The following MALRD1 variants were observed in gnomAD, a reference collection of about 807,000 sequenced individuals.
MALRD1 encodes MAM and LDL receptor class A domain containing 1, also known as MAM and LDL-receptor class A domain-containing protein 1.
MALRD1 carries 247 observed loss-of-function variants against 242.1 expected under a neutral mutation model. That is an observed-to-expected ratio of 1.02 (90% confidence interval 0.92 to 1.13). The LOEUF is 1.13. MALRD1 is among the 50% of genes most tolerant of loss of function. MALRD1 has a pLI of 0.00. For synonymous variants in MALRD1, 995 were observed against 866.6 expected (o/e 1.15, Z -2.60); for missense variants, 2,989 against 2,533.1 (o/e 1.18, Z -3.86).
intron 24 of MALRD1, among the ~76,000 whole-genome samples, chr10:19,334,119 G>GTTTTTTTTTTT (rs56931838): frequency 3.0e-5 from 2 of 66,790 alleles, no homozygotes; most frequent in East Asian, 4.8e-4. Flanking sequence ...CTGTTGGTAG[G>GTTTTTTTTTTT]TTTTTTTTTT....
intron 36 of MALRD1, among the ~76,000 whole-genome samples, chr10:19,634,116 C>G (rs922311327): frequency 6.6e-6 from 1 of 152,038 alleles, no homozygotes; most frequent in African/African-American, 2.4e-5. Context: ...GCTGGGATTA[C>G]AGACATGAGC....
chr10:19,498,399 A>G, intron 30 of MALRD1, 86 bp from the exon 31 acceptor site: 1 of 1,150,430 alleles, frequency 8.7e-7, no homozygotes, highest in Non-Finnish European at 1.2e-6. Flanking sequence ...ATATGCAGAT[A>G]CTAATTTTAA....
intron 26 of MALRD1, among the ~76,000 whole-genome samples, chr10:19,358,854 A>G (rs1028985745): frequency 2.0e-5 from 3 of 152,104 alleles, no homozygotes; most frequent in Non-Finnish European, 2.9e-5. Context: ...TTTCTTCCTC[A>G]TGTTCTATTC....
chr10:19,294,200 C>A (rs577126811), intron 21 of MALRD1, among the ~76,000 whole-genome samples: 2 of 152,178 alleles, frequency 1.3e-5, no homozygotes, highest in South Asian at 4.1e-4. Flanking sequence ...TATGCTTTTC[C>A]TTTAACCACA....
rs527964329 is a variant in MALRD1, at chr10:19,579,692, G to A, written c.5680+11989G>A. 2.6e-5 allele frequency among the ~76,000 whole-genome samples: 4 copies of A among 152,290 alleles called. No homozygotes were observed. In the East Asian group the frequency reaches 7.7e-4, roughly 29 times the overall value. On this transcript the variant is annotated intron_variant, in intron 33 of 39. Coordinates refer to ENST00000454679, the MANE Select transcript of MALRD1 (RefSeq NM_001142308.3). ...TGGGGAAGAACGTGAGTATAGGTGA[G>A]TCTGAATCAGGTGTCAGTTTGTTGA...
At position 19,127,332 on chromosome 10, in the gene MALRD1, C is replaced by T. The variant is rs999917855; in HGVS notation, c.944-889C>T. Among the ~76,000 whole-genome samples the T allele has an allele frequency of 2.0e-5, 3 of 152,148 alleles. No homozygotes were observed. The South Asian group carries it at 6.2e-4, about 32-fold the overall frequency. On this transcript the variant is annotated intron_variant, in intron 7 of 39. Coordinates refer to ENST00000454679, the MANE Select transcript of MALRD1 (RefSeq NM_001142308.3). ...CAGGCATGATTTACTGTGCAAAAGA[C>T]ATTAATGTAAATAGTGTAAGCTTTT...
intron 21 of MALRD1, among the ~76,000 whole-genome samples, chr10:19,320,814 C>T (rs537034580): frequency 2.6e-5 from 4 of 152,106 alleles, no homozygotes; most frequent in East Asian, 1.9e-4. Flanking sequence ...ATTTGCATTT[C>T]GCTAATGACC....
intron 21 of MALRD1, among the ~76,000 whole-genome samples, chr10:19,323,672 G>A (rs776414439): frequency 2.6e-5 from 4 of 152,086 alleles, no homozygotes; most frequent in East Asian, 1.9e-4. Context: ...GCAATGGCGC[G>A]ATCTCAGCTC....
rs147662373 is a variant in MALRD1, at chr10:19,359,334, T to G, written c.4441+7037T>G. 5.8e-4 allele frequency among the ~76,000 whole-genome samples: 89 copies of G among 152,304 alleles called. No individual in the cohort carries two copies. The East Asian group carries it at 0.01, about 18-fold the overall frequency. ...TCTGTATTGGAAATACATATTGACA[T>G]CACCCCAAACACACTAGACTACTGT... On this transcript the variant is annotated intron_variant, in intron 26 of 39. Coordinates refer to ENST00000454679, the MANE Select transcript of MALRD1 (RefSeq NM_001142308.3).
intron 33 of MALRD1, among the ~76,000 whole-genome samples, chr10:19,568,290 A>C (rs1171835419): frequency 6.6e-6 from 1 of 152,170 alleles, no homozygotes; most frequent in Non-Finnish European, 1.5e-5. Flanking sequence ...TTAAAATATT[A>C]AATAGTAGGG....
chr10:19,729,946 C>T (rs1288747700), intron 38 of MALRD1, among the ~76,000 whole-genome samples: 1 of 151,632 alleles, frequency 6.6e-6, no homozygotes, highest in African/African-American at 2.4e-5. Flanking sequence ...ACCGTGTTAG[C>T]CAGGATGGTC....
chr10:19,310,522 T>C (rs1281611218), intron 21 of MALRD1, among the ~76,000 whole-genome samples: 1 of 151,624 alleles, frequency 6.6e-6, no homozygotes, highest in African/African-American at 2.4e-5. Flanking sequence ...CAATTAGGAA[T>C]GTTCTGTGAA....
chr10:19,242,895 T>A (rs7903932), intron 18 of MALRD1, among the ~76,000 whole-genome samples: 1,820 of 152,142 alleles, frequency 0.012, 35 homozygotes, highest in African/African-American at 0.04. Flanking sequence ...TTTATATCTT[T>A]TAATTAGAGT....
Position 19,217,812 on chromosome 10 carries a change from C to G in MALRD1, c.2991+8132C>G, listed in dbSNP as rs541139646. Among the ~76,000 whole-genome samples the G allele has an allele frequency of 1.2e-4, 19 of 152,326 alleles. 1 individual carries two copies. In the South Asian group the frequency reaches 3.3e-3, roughly 27 times the overall value. ...GTGCTGGGATTACAGGCATGAGCCACCGCTCCCAATCAATCATGCGGTCTT... is the reference window on the plus strand; with the variant it reads ...GTGCTGGGATTACAGGCATGAGCCAGCGCTCCCAATCAATCATGCGGTCTT... On this transcript the variant is annotated intron_variant, in intron 18 of 39. Coordinates refer to ENST00000454679, the MANE Select transcript of MALRD1 (RefSeq NM_001142308.3).
chr10:19,152,563 T>G (rs1468375447), intron 11 of MALRD1, among the ~76,000 whole-genome samples: 1 of 152,074 alleles, frequency 6.6e-6, no homozygotes, highest in Non-Finnish European at 1.5e-5. Flanking sequence ...TTAAATTTAT[T>G]CCTACATTAA....
chr10:19,636,030 A>G (rs973548993), intron 36 of MALRD1, among the ~76,000 whole-genome samples: 5 of 152,112 alleles, frequency 3.3e-5, no homozygotes, highest in Admixed American at 6.6e-5. Flanking sequence ...CCTTCCCAGT[A>G]GCTGGGATTA....
intron 33 of MALRD1, among the ~76,000 whole-genome samples, chr10:19,582,033 T>C (rs972757932): frequency 6.6e-6 from 1 of 152,220 alleles, no homozygotes; most frequent in Non-Finnish European, 1.5e-5. Context: ...TTGAGAAGTG[T>C]CTGTTCATGT....
At chr10:19,136,028 T>C (rs56972838) in intron 9 of MALRD1, among the ~76,000 whole-genome samples, 2,412 of 152,236 alleles carry the variant, frequency 0.016, 64 homozygotes, top group African/African-American at 0.055. Flanking sequence ...AATAGAGTTT[T>C]ATGTTTATTC....
chr10:19,514,813 A>G (rs1220758291), intron 31 of MALRD1, among the ~76,000 whole-genome samples: 3 of 152,124 alleles, frequency 2.0e-5, no homozygotes, highest in Non-Finnish European at 2.9e-5. Flanking sequence ...GCCTTTTACA[A>G]TTTTCTACTA....
Sources: allele counts gnomAD v4.1 joint callset (sites outside exome capture counted in the v4.1 genomes callset), GRCh38; gene constraint gnomAD v4.1.1; transcripts MANE v1.5; gene names NCBI Gene and HGNC (gene_info 2026-07-23, HGNC 2026-07-21).